PLXDC1: variants seen among roughly 807,000 people sequenced by gnomAD.
PLXDC1 encodes the protein plexin domain containing 1, also known as plexin domain-containing protein 1.
A neutral mutation model predicts 61.3 loss-of-function variants in PLXDC1; 39 were observed. The observed-to-expected ratio is 0.64, with a 90% CI of 0.49 to 0.83. The LOEUF (loss-of-function observed/expected upper bound fraction) is 0.83, where lower values mean the gene tolerates loss of function less well. Ranked by LOEUF, PLXDC1 falls within the 40% of genes least tolerant of loss-of-function variation. PLXDC1 has a pLI of 0.00. For missense variants in PLXDC1, 596 were observed against 666.5 expected, an observed-to-expected ratio of 0.89 and a Z score of 1.17; for synonymous variants, 212 against 254.5, an observed-to-expected ratio of 0.83 and a Z score of 1.59.
rs1419922925 is a variant in PLXDC1, at chr17:39,128,097, G to GTATATATATATA, written c.255+11545_255+11556dup. Among the ~76,000 whole-genome samples the GTATATATATATA allele has an allele frequency of 2.9e-3, 196 of 67,498 alleles. 14 individuals carry two copies. The highest frequency in any genetic ancestry group is 9.3e-3 in the Middle Eastern group (1 of 108). 44.3% of individuals were successfully genotyped at this position (67,498 alleles called of 152,430 possible). ...TCTCTCTCTCTCTCTCTCTCTATGT[G>GTATATATATATA]TATATATATATATATATGTATATAT... On this transcript the variant is annotated intron_variant, in intron 2 of 13. Transcript: ENST00000315392.
intron 3 of PLXDC1, 127 bp from the exon 4 acceptor site, chr17:39,109,100 C>A: frequency 1.5e-6 from 2 of 1,292,170 alleles, no homozygotes; most frequent in South Asian, 1.3e-5. Context: ...CTGGGCACCC[C>A]AACTCTGGCA....
intron 2 of PLXDC1, among the ~76,000 whole-genome samples, chr17:39,123,908 G>A (rs1911241437): frequency 6.6e-6 from 1 of 151,966 alleles, no homozygotes; most frequent in Non-Finnish European, 1.5e-5. Flanking sequence ...GGCTGCTAGA[G>A]AGGCTTGGCT....
At chr17:39,139,540 G>C in intron 2 of PLXDC1, 114 bp downstream of exon 2, 1 of 1,024,560 alleles carries the variant, frequency 9.8e-7, no homozygotes, top group South Asian at 1.7e-5. Flanking sequence ...CCTGTCCTCC[G>C]GGGCCAACCC....
rs73985071 is a variant in PLXDC1 at position 39,072,698 on chromosome 17, A to C, written c.1187-213T>G. ...AATGAGCGGGGACTGGTGAGAGATG[A>C]GGCTGGGAGTGGAGGGCCGGCTGCC... On this transcript the variant is annotated intron_variant, in intron 11 of 13. Transcript: ENST00000315392. 2.4e-3 allele frequency: 1,427 copies of C among 582,976 alleles called. 10 individuals carry two copies. The highest frequency in any genetic ancestry group is 0.024 in the African/African-American group (1,283 of 53,636). The allele number at this position is 582,976 out of a possible 1,614,324, so 36.1% of individuals were successfully genotyped here.
chr17:39,136,281 C>T (rs1911750268), intron 2 of PLXDC1, among the ~76,000 whole-genome samples: 1 of 152,088 alleles, frequency 6.6e-6, no homozygotes, highest in Non-Finnish European at 1.5e-5. Flanking sequence ...GGTAAGGAGG[C>T]ACCTACCTGG....
intron 7 of PLXDC1, among the ~76,000 whole-genome samples, chr17:39,096,381 G>A: frequency 6.6e-6 from 1 of 152,146 alleles, no homozygotes; most frequent in Admixed American, 6.6e-5. Context: ...CCCCCAGATG[G>A]ATTAAAAACT....
At chr17:39,137,786 G>A (rs1911802443) in intron 2 of PLXDC1, among the ~76,000 whole-genome samples, 1 of 151,916 alleles carries the variant, frequency 6.6e-6, no homozygotes, top group African/African-American at 2.4e-5. Context: ...GGAGACAAAG[G>A]GGTTCCCAGG....
At chr17:39,085,393 G>A (rs1909706709) in intron 8 of PLXDC1, among the ~76,000 whole-genome samples, 1 of 152,234 alleles carries the variant, frequency 6.6e-6, no homozygotes, top group East Asian at 1.9e-4. Context: ...TTTGTTCCCT[G>A]TGTATCCAGA....
chr17:39,152,162 C>T (rs1054681396), upstream of PLXDC1, among the ~76,000 whole-genome samples: 19 of 149,064 alleles, frequency 1.3e-4, no homozygotes, highest in Non-Finnish European at 1.5e-4. Context: ...ACCCCCCTTC[C>T]ATGACTCCAC....
chr17:39,131,430 T>C (rs1011717262), intron 2 of PLXDC1, among the ~76,000 whole-genome samples: 4 of 152,030 alleles, frequency 2.6e-5, no homozygotes, highest in African/African-American at 9.7e-5. Flanking sequence ...CTTGGCTCAC[T>C]GCAACCTCCA....
In PLXDC1 at chr17:39,070,000, CA is replaced by C; in HGVS notation, c.1238del (p.Leu413ArgfsTer58). 1 of 1,613,852 alleles carries C rather than the reference CA, an allele frequency of 6.2e-7. No individual in the cohort carries two copies. Among genetic ancestry groups the C allele is most frequent in the Non-Finnish European group, 8.5e-7 (1 of 1,179,840 alleles). ...YAGGDGLQNN[L>X]SPKTKGTPVH... ...CAGGAGTGCCCTTTGTCTTGGGGGA[CA>C]GGTTGTTCTGAAGGCCTGTGGAGAG... On this transcript the variant is annotated frameshift_variant, in exon 13 of 14. Transcript: ENST00000315392. LOFTEE classifies it high-confidence loss of function.
At chr17:39,133,517 T>C (rs1911629582) in intron 2 of PLXDC1, among the ~76,000 whole-genome samples, 1 of 152,146 alleles carries the variant, frequency 6.6e-6, no homozygotes. Flanking sequence ...CTACTTCCTT[T>C]GTTCATTCAA....
intron 5 of PLXDC1, 127 bp downstream of exon 5, chr17:39,107,996 A>C: frequency 8.4e-7 from 1 of 1,189,690 alleles, no homozygotes; most frequent in South Asian, 1.3e-5. Flanking sequence ...CTGAGCAGAG[A>C]AAGGTAGGTG....
At chr17:39,139,559 A>G (rs1006996925) in intron 2 of PLXDC1, 95 bp downstream of exon 2, 1 of 1,193,138 alleles carries the variant, frequency 8.4e-7, no homozygotes, top group Admixed American at 2.2e-5. Flanking sequence ...CCCAAATGAT[A>G]TGTGATTTGC....
chr17:39,135,522 C>G (rs575492821), intron 2 of PLXDC1, among the ~76,000 whole-genome samples: 10 of 151,840 alleles, frequency 6.6e-5, no homozygotes, highest in South Asian at 4.2e-4. Flanking sequence ...ACTAAAAATA[C>G]AAAAATTAGC....
At chr17:39,137,300 A>C (rs1368442377) in intron 2 of PLXDC1, 1 of 152,236 alleles carries the variant, frequency 6.6e-6, no homozygotes, top group East Asian at 1.9e-4. Context: ...TACACTTGTA[A>C]TCCCAGCACT....
chr17:39,098,653 G>A (rs995118580), intron 7 of PLXDC1, among the ~76,000 whole-genome samples: 11 of 152,202 alleles, frequency 7.2e-5, no homozygotes, highest in Non-Finnish European at 1.6e-4. Flanking sequence ...AGTGCCGGGG[G>A]GAAGAAGAGG....
In PLXDC1 at chr17:39,065,862, C is replaced by T. The variant is rs1908877971; in HGVS notation, c.*1978G>A. 6.6e-6 allele frequency: 1 copy of T among 152,490 alleles called. No homozygotes were observed. The highest frequency in any genetic ancestry group is 2.1e-4 in the South Asian group (1 of 4,830). The allele number at this position is 152,490 out of a possible 1,614,324, so 9.4% of individuals were successfully genotyped here. On this transcript the variant is annotated 3_prime_UTR_variant, in exon 14 of 14. Coordinates refer to ENST00000315392, the MANE Select transcript of PLXDC1 (RefSeq NM_020405.5). ...CACCCATCTCAGGCAGCCGTAGACC[C>T]CTACGCCTCCCCACCCCACAGGCAC...
intron 1 of PLXDC1, among the ~76,000 whole-genome samples, chr17:39,140,612 CT>C (rs1911907294): frequency 6.6e-6 from 1 of 152,216 alleles, no homozygotes; most frequent in Admixed American, 6.5e-5. Flanking sequence ...GCCTCGATTT[CT>C]TAAAAGAGCC....
Sources: gnomAD v4.1 joint callset for allele counts (sites outside exome capture counted in the v4.1 genomes callset) on GRCh38, gnomAD v4.1.1 for gene constraint, MANE v1.5 for transcripts, NCBI Gene and HGNC (gene_info 2026-07-23, HGNC 2026-07-21) for gene names.